Variants in CCNB2 observed in about 807,000 individuals in gnomAD.
CCNB2 encodes the protein G2/mitotic-specific cyclin-B2.
CCNB2 carries 39 observed loss-of-function variants against 51.1 expected under a neutral mutation model. The observed-to-expected ratio is 0.76, with a 90% CI of 0.59 to 1.00. The LOEUF (loss-of-function observed/expected upper bound fraction) is 1.00, where lower values mean the gene tolerates loss of function less well. CCNB2 is among the 50% of genes least tolerant of loss of function. The pLI is 0.00. For synonymous variants in CCNB2, 174 were observed against 165.5 expected (o/e 1.05, Z -0.40); for missense variants, 472 against 470.3 (o/e 1.00, Z -0.03).
At chr15:59,123,426 T>C in intron 7 of CCNB2, 91 bp from the exon 8 acceptor site, 1 of 718,454 alleles carries the variant, frequency 1.4e-6, no homozygotes, top group Non-Finnish European at 2.5e-6. Flanking sequence ...ACATAAGTAA[T>C]GTCATCATGT....
chr15:59,106,010 T>G (rs1166576672), intron 1 of CCNB2, among the ~76,000 whole-genome samples: 3 of 152,216 alleles, frequency 2.0e-5, no homozygotes, highest in African/African-American at 7.2e-5. Context: ...TATGGTGTTT[T>G]GGGTATTTTT....
In CCNB2 at chr15:59,125,007, T is replaced by C. The variant is rs894213106; in HGVS notation, c.*130T>C. 1.9e-6 allele frequency: 1 copy of C among 512,852 alleles called. No individual in the cohort carries two copies. Among genetic ancestry groups the C allele is most frequent in the Non-Finnish European group, 3.4e-6 (1 of 291,506 alleles). 31.8% of individuals were successfully genotyped at this position (512,852 alleles called of 1,614,324 possible). On this transcript the variant is annotated 3_prime_UTR_variant, in exon 9 of 9. Coordinates refer to ENST00000288207, the MANE Select transcript of CCNB2 (RefSeq NM_004701.4). ...TTCTCAGACCAGTTTTCTAAACATA[T>C]ATTGAGGAAAAATAAAGCGATTGGT... is the stretch of plus-strand genomic sequence containing the variant.
intron 3 of CCNB2, among the ~76,000 whole-genome samples, chr15:59,109,918 C>G (rs894848005): frequency 1.3e-5 from 2 of 151,984 alleles, no homozygotes; most frequent in African/African-American, 4.8e-5. Context: ...CCCTGGGGGC[C>G]GGAGCCTGCA....
chr15:59,107,452 T>C lies in CCNB2; in HGVS notation c.153+2T>C, dbSNP rs1425243671. On this transcript the variant is annotated splice_donor_variant, in intron 2 of 8. Coordinates refer to ENST00000288207, the MANE Select transcript of CCNB2 (RefSeq NM_004701.4). LOFTEE classifies it high-confidence loss of function. ...ACCAGAGCAGCACAAGTAGCTAAGG[T>C]AACAATGATGAAGACTGAATGTGAA... 6.2e-7 allele frequency: 1 copy of C among 1,613,938 alleles called. No individual in the cohort carries two copies. Among genetic ancestry groups the C allele is most frequent in the Non-Finnish European group, 8.5e-7 (1 of 1,179,994 alleles).
At chr15:59,108,414 A>G (rs187412141) in intron 3 of CCNB2, among the ~76,000 whole-genome samples, 1 of 152,186 alleles carries the variant, frequency 6.6e-6, no homozygotes, top group African/African-American at 2.4e-5. Flanking sequence ...GAGGTATTGC[A>G]CTTATCCAAG....
chr15:59,123,478 C>T (rs2079311830), intron 7 of CCNB2, 39 bp from the exon 8 acceptor site: 1 of 1,197,150 alleles, frequency 8.4e-7, no homozygotes, highest in Admixed American at 1.7e-5. Flanking sequence ...TTTCTCTTGC[C>T]CCTCAGTCAT....
intron 7 of CCNB2, among the ~76,000 whole-genome samples, chr15:59,123,245 C>A (rs970143067): frequency 2.0e-5 from 3 of 152,148 alleles, no homozygotes; most frequent in Non-Finnish European, 2.9e-5. Context: ...GGACTCTTAC[C>A]TGTGCAACGT....
intron 7 of CCNB2, among the ~76,000 whole-genome samples, chr15:59,119,036 C>T (rs2079290842): frequency 6.6e-6 from 1 of 152,130 alleles, no homozygotes; most frequent in Non-Finnish European, 1.5e-5. Flanking sequence ...AAAGTGGAAA[C>T]TATGGGGTTC....
intron 3 of CCNB2, among the ~76,000 whole-genome samples, chr15:59,109,861 C>T (rs1226847664): frequency 1.3e-5 from 2 of 152,140 alleles, no homozygotes; most frequent in Non-Finnish European, 1.5e-5. Context: ...TGGTGGGCGC[C>T]TGTAGTCCCA....
intron 4 of CCNB2, 34 bp downstream of exon 4, chr15:59,114,648 A>T: frequency 6.3e-7 from 1 of 1,586,678 alleles, no homozygotes; most frequent in Non-Finnish European, 8.6e-7. Context: ...TTGTATAAGC[A>T]ATGTGGAATT....
chr15:59,122,844 T>C lies in CCNB2; in HGVS notation c.976-673T>C, dbSNP rs1219233175. On this transcript the variant is annotated intron_variant, in intron 7 of 8. Transcript: ENST00000288207. ...AGCCACTGTGCCCCGCCAATTTATATATCTTCTTACATGATACATCTTATT... is the reference window on the plus strand; with the variant it reads ...AGCCACTGTGCCCCGCCAATTTATACATCTTCTTACATGATACATCTTATT... 4.6e-5 allele frequency among the ~76,000 whole-genome samples: 7 copies of C among 152,222 alleles called. No homozygotes were observed. In the South Asian group the frequency reaches 1.0e-3, roughly 22 times the overall value.
At chr15:59,117,587 G>T (rs773866119) in intron 7 of CCNB2, among the ~76,000 whole-genome samples, 1 of 152,116 alleles carries the variant, frequency 6.6e-6, no homozygotes, top group Non-Finnish European at 1.5e-5. Context: ...TCCTACCTCA[G>T]CCTCCCGAGT....
chr15:59,117,279 A>G lies in CCNB2; in HGVS notation c.886A>G (p.Ile296Val), dbSNP rs1423995104. 1 of 1,612,980 alleles carries G rather than the reference A, an allele frequency of 6.2e-7. No homozygotes were observed. Among genetic ancestry groups the G allele is most frequent in the Admixed American group, 1.7e-5 (1 of 59,996 alleles). The change falls in exon 7 of 9, where the codon ATC becomes GTC. Residue 296 changes from isoleucine (I) to valine (V), a missense_variant. Ile to Val is a conservative substitution (Grantham distance 29). Coordinates refer to ENST00000288207, the MANE Select transcript of CCNB2 (RefSeq NM_004701.4). ...LAKYLMELTLIDYDMVHYHPS... is the reference protein window; with the variant it reads ...LAKYLMELTLVDYDMVHYHPS... ...CAAGTATTTGATGGAGCTGACTCTC[A>G]TCGACTATGATATGGTGCATTATCA...
At chr15:59,124,537 C>T (rs2079317022) in intron 8 of CCNB2, 2 of 523,386 alleles carry the variant, frequency 3.8e-6, no homozygotes, top group Non-Finnish European at 6.8e-6. Context: ...ACCTTGAAAT[C>T]ATTTGTTCCT....
chr15:59,115,272 C>T (rs918629865), intron 5 of CCNB2, among the ~76,000 whole-genome samples: 6 of 152,070 alleles, frequency 3.9e-5, no homozygotes, highest in African/African-American at 1.4e-4. Context: ...ATCTGAAAAA[C>T]GATGAGTTTG....
chr15:59,116,005 T>C (rs1046932443), intron 5 of CCNB2: 1 of 152,186 alleles, frequency 6.6e-6, no homozygotes, highest in Non-Finnish European at 1.5e-5. Flanking sequence ...GTGTTGGGAT[T>C]ATAGGCATGA....
chr15:59,121,961 AG>A (rs2079303937), intron 7 of CCNB2, among the ~76,000 whole-genome samples: 35 of 135,112 alleles, frequency 2.6e-4, no homozygotes, highest in Middle Eastern at 3.9e-3. Context: ...AAAAAAAAAA[AG>A]GAGAAATTAC....
At chr15:59,118,366 A>G (rs2079287726) in intron 7 of CCNB2, among the ~76,000 whole-genome samples, 1 of 152,194 alleles carries the variant, frequency 6.6e-6, no homozygotes, top group African/African-American at 2.4e-5. Flanking sequence ...GAGCAGTACA[A>G]TAGAAAACCT....
chr15:59,121,043 A>C (rs536226732), intron 7 of CCNB2: 2 of 152,380 alleles, frequency 1.3e-5, no homozygotes, highest in South Asian at 4.1e-4. Context: ...TGCTTAAAAA[A>C]AAAAAGTCAC....
Sources: gnomAD v4.1 joint callset for allele counts (sites outside exome capture counted in the v4.1 genomes callset) on GRCh38, gnomAD v4.1.1 for gene constraint, MANE v1.5 for transcripts, NCBI Gene and HGNC (gene_info 2026-07-23, HGNC 2026-07-21) for gene names.